The following MYLK variants were observed in gnomAD, a reference collection of about 807,000 sequenced individuals.
MYLK encodes myosin light chain kinase.
A neutral mutation model predicts 203.4 loss-of-function variants in MYLK; 106 were observed. That is an observed-to-expected ratio of 0.52 (90% CI 0.45 to 0.61). MYLK has a LOEUF of 0.61. Ranked by LOEUF, MYLK falls within the 20% of genes least tolerant of loss-of-function variation. The pLI, the probability that MYLK is intolerant of heterozygous loss-of-function variation, is 0.00. For synonymous variants in MYLK, 867 were observed against 959.5 expected (o/e 0.90, Z 1.78); for missense variants, 2,072 against 2,442.3 (o/e 0.85, Z 3.20).
chr3:123,701,419 AGCTCCTGGGG>A lies in MYLK; in HGVS notation c.2462+9_2462+18del. 6.2e-7 allele frequency: 1 copy of A among 1,613,488 alleles called. No homozygotes were observed. Among genetic ancestry groups the A allele is most frequent in the South Asian group, 1.1e-5 (1 of 91,064 alleles). ...GGATGGGGGCATGGCCTGGAGGGGC[AGCTCCTGGGG>A]GCACTCACCGTGGAAGGGCTCTGGC... On this transcript the variant is annotated intron_variant, in intron 17 of 33. Coordinates refer to ENST00000360304, the MANE Select transcript of MYLK (RefSeq NM_053025.4).
At chr3:123,709,972 C>A in intron 13 of MYLK, 79 bp from the exon 14 acceptor site, 25 of 1,577,394 alleles carry the variant, frequency 1.6e-5, no homozygotes, top group Non-Finnish European at 2.2e-5. Flanking sequence ...CCACTTGGTA[C>A]ATGACTGTGT....
chr3:123,616,731 C>A (rs187726600), intron 33 of MYLK: 1 of 152,100 alleles, frequency 6.6e-6, no homozygotes, highest in Non-Finnish European at 1.5e-5. Context: ...TCATTTCATG[C>A]GGATCTGGTT....
At chr3:123,732,673 C>T (rs1350192473) in intron 11 of MYLK, among the ~76,000 whole-genome samples, 1 of 151,976 alleles carries the variant, frequency 6.6e-6, no homozygotes, top group Non-Finnish European at 1.5e-5. Context: ...GGGTGTGGGG[C>T]CATGCATGTT....
In MYLK at chr3:123,827,289, G is replaced by A. The variant is rs1472126978; in HGVS notation, c.-4+4259C>T. Among the ~76,000 whole-genome samples, 4 of 152,224 alleles carry A rather than the reference G, an allele frequency of 2.6e-5. No homozygotes were observed. The East Asian group carries it at 7.7e-4, about 29-fold the overall frequency. The stretch of plus-strand genomic sequence containing the variant: ...TCTTAGGGGAGAGATGGACATTCAG[G>A]TCTAGAAAGCTCAAAGAACCCCAAA... On this transcript the variant is annotated intron_variant, in intron 3 of 33. Coordinates refer to ENST00000360304, the MANE Select transcript of MYLK (RefSeq NM_053025.4).
chr3:123,730,546 C>T lies in MYLK; in HGVS notation c.1516+2350G>A, dbSNP rs151305485. 5.7e-3 allele frequency among the ~76,000 whole-genome samples: 873 copies of T among 152,326 alleles called. 5 individuals carry two copies. Among genetic ancestry groups the T allele is most frequent in the Non-Finnish European group, 9.6e-3 (656 of 68,030 alleles). ...GATAAACAAAACACTGTATGCTATA[C>T]CCATACAATGCAATATGATTCAGCC... On this transcript the variant is annotated intron_variant, in intron 11 of 33. Transcript: ENST00000360304.
chr3:123,773,101 T>A (rs2063942163), intron 4 of MYLK, among the ~76,000 whole-genome samples: 1 of 152,074 alleles, frequency 6.6e-6, no homozygotes, highest in African/African-American at 2.4e-5. Context: ...AATCAACATA[T>A]CAAAAACATA....
At position 123,649,196 on chromosome 3, in the gene MYLK, TG is replaced by T. The variant is rs41431347; in HGVS notation, c.4289-3del. ...ACACCTCCACTTCATCCTTCGGCTC[TG>T]GGGGGGGCACAAGGAAGGACAGAGA... On this transcript the variant is annotated splice_polypyrimidine_tract_variant and splice_region_variant and intron_variant, in intron 24 of 33. Transcript: ENST00000360304. 23 of 1,607,662 alleles carry T rather than the reference TG, an allele frequency of 1.4e-5. No homozygotes were observed. The highest frequency in any genetic ancestry group is 2.1e-4 in the Middle Eastern group (1 of 4,780).
intron 4 of MYLK, among the ~76,000 whole-genome samples, chr3:123,778,643 A>T (rs1421626077): frequency 6.6e-6 from 1 of 152,152 alleles, no homozygotes; most frequent in Non-Finnish European, 1.5e-5. Context: ...ATCAGGCAAG[A>T]CGCAGAAGCC....
At chr3:123,639,910 C>A (rs2058772421) in intron 28 of MYLK, among the ~76,000 whole-genome samples, 1 of 152,064 alleles carries the variant, frequency 6.6e-6, no homozygotes, top group Non-Finnish European at 1.5e-5. Context: ...GCAGAGCCAC[C>A]ATCACCAAAA....
intron 13 of MYLK, among the ~76,000 whole-genome samples, chr3:123,713,511 C>T (rs1456603943): frequency 6.6e-6 from 1 of 151,770 alleles, no homozygotes; most frequent in African/African-American, 2.4e-5. Flanking sequence ...TGACCCACAT[C>T]CTAGATCCTT....
intron 16 of MYLK, 152 bp from the exon 17 acceptor site, chr3:123,701,661 G>GGGTGA: frequency 1.3e-6 from 1 of 741,456 alleles, no homozygotes; most frequent in Non-Finnish European, 2.4e-6. Context: ...TTTAGGGCAG[G>GGGTGA]ACCCTCTCAC....
At chr3:123,863,368 C>CAAAAAAAAAAAA (rs35039876) in intron 2 of MYLK, among the ~76,000 whole-genome samples, 1 of 29,898 alleles carries the variant, frequency 3.3e-5, no homozygotes, top group Non-Finnish European at 7.9e-5. Flanking sequence ...ATAGCCTTGC[C>CAAAAAAAAAAAA]AAAAAAAAAA....
chr3:123,788,126 T>C (rs2064613723), intron 4 of MYLK, among the ~76,000 whole-genome samples: 1 of 152,088 alleles, frequency 6.6e-6, no homozygotes, highest in Non-Finnish European at 1.5e-5. Context: ...ATCACTTAAG[T>C]AGCAGAAGGA....
chr3:123,784,819 C>T (rs1333718772), intron 4 of MYLK, among the ~76,000 whole-genome samples: 1 of 152,158 alleles, frequency 6.6e-6, no homozygotes, highest in African/African-American at 2.4e-5. Flanking sequence ...AGTCCTATCT[C>T]CCTGAATGAG....
At chr3:123,859,396 T>C (rs936889033) in intron 2 of MYLK, among the ~76,000 whole-genome samples, 2 of 152,244 alleles carry the variant, frequency 1.3e-5, no homozygotes, top group African/African-American at 4.8e-5. Flanking sequence ...GCTTCTCAAC[T>C]AGTCAATTAC....
chr3:123,797,843 C>T (rs1249410769), intron 3 of MYLK, among the ~76,000 whole-genome samples: 1 of 152,210 alleles, frequency 6.6e-6, no homozygotes, highest in Non-Finnish European at 1.5e-5. Context: ...CAGTGGCTGT[C>T]AACATCATTA....
chr3:123,759,863 T>C (rs2063479892), intron 4 of MYLK, among the ~76,000 whole-genome samples: 2 of 152,224 alleles, frequency 1.3e-5, no homozygotes, highest in African/African-American at 2.4e-5. Context: ...AGCTGATATA[T>C]ACAGTGAAGA....
chr3:123,670,741 C>A (rs2108370614), intron 20 of MYLK, among the ~76,000 whole-genome samples: 1 of 151,922 alleles, frequency 6.6e-6, no homozygotes, highest in East Asian at 1.9e-4. Flanking sequence ...GACCTTATCT[C>A]AGAAAAAAAA....
intron 8 of MYLK, chr3:123,735,900 A>G (rs1300572113): frequency 6.2e-6 from 1 of 160,080 alleles, no homozygotes; most frequent in Non-Finnish European, 1.4e-5. Context: ...AAACCCTGAA[A>G]GCCATCACCA....
Sources: allele counts gnomAD v4.1 joint callset (sites outside exome capture counted in the v4.1 genomes callset), GRCh38; gene constraint gnomAD v4.1.1; transcripts MANE v1.5; gene names NCBI Gene and HGNC (gene_info 2026-07-23, HGNC 2026-07-21).